Variants in RBFOX3 observed in about 807,000 individuals in gnomAD.
The protein encoded by RBFOX3 is RNA binding fox-1 homolog 3.
In RBFOX3, 17 loss-of-function variants were observed where a neutral mutation model predicts 48.7. That is an observed-to-expected ratio of 0.35 (90% CI 0.24 to 0.52). The LOEUF (loss-of-function observed/expected upper bound fraction) is 0.52. Among genes scored for constraint, RBFOX3 ranks in the 20% least tolerant of loss-of-function variants. The pLI is 0.94. For synonymous variants in RBFOX3, 212 were observed against 209.5 expected, an observed-to-expected ratio of 1.01 and a Z score of -0.10; for missense variants, 382 against 497.5, an observed-to-expected ratio of 0.77 and a Z score of 2.21.
intron 5 of RBFOX3, among the ~76,000 whole-genome samples, chr17:79,114,546 G>A (rs1194510904): frequency 5.3e-5 from 8 of 152,216 alleles, no homozygotes; most frequent in Admixed American, 3.9e-4. Context: ...TCCTATCTGC[G>A]TCCACGCAGC....
the RBFOX3 span, among the ~76,000 whole-genome samples, chr17:79,656,856 G>T: frequency 1.5e-5 from 2 of 135,560 alleles, no homozygotes; most frequent in East Asian, 2.4e-4. Flanking sequence ...AGAAAAGAAG[G>T]GAAGGAGGGA....
At chr17:79,251,087 G>C (rs1026521485) in intron 3 of RBFOX3, among the ~76,000 whole-genome samples, 5 of 152,174 alleles carry the variant, frequency 3.3e-5, no homozygotes, top group Non-Finnish European at 7.4e-5. Flanking sequence ...ACAGGTGTGA[G>C]CTGCCGCGCC....
intron 4 of RBFOX3, among the ~76,000 whole-genome samples, chr17:79,143,667 G>C (rs2042398852): frequency 6.6e-6 from 1 of 152,200 alleles, no homozygotes; most frequent in Admixed American, 6.5e-5. Context: ...GAGCTCCCTA[G>C]GGACAGGAAC....
chr17:79,299,033 T>A lies in RBFOX3; in HGVS notation c.-74+8691A>T, dbSNP rs1046340479. ...GCGCGAGTCTGTAACTGGAGAGGTT[T>A]GTTTGGATTCAGCATTGCTGAAATC... On this transcript the variant is annotated intron_variant, in intron 3 of 14. Transcript: ENST00000693108. The surrounding 1 kb of genome is among the most constrained non-coding windows in gnomAD (Gnocchi z 4.5). Among the ~76,000 whole-genome samples the A allele has an allele frequency of 1.3e-5, 2 of 152,160 alleles. No individual in the cohort carries two copies. The highest frequency in any genetic ancestry group is 2.9e-5 in the Non-Finnish European group (2 of 68,022).
In RBFOX3 at chr17:79,580,353, C is replaced by T. The variant is rs977139736; in HGVS notation, c.-320+30473G>A. Among the ~76,000 whole-genome samples the T allele has an allele frequency of 6.4e-3, 957 of 150,176 alleles. 16 individuals are homozygous for T. Among genetic ancestry groups the T allele is most frequent in the African/African-American group, 0.021 (878 of 40,852 alleles). ...TATCCAGATTTGATCTATCAGCCAACAACTCCCTCATCCCACCCCGAGCAA... is the reference window on the plus strand; with the variant it reads ...TATCCAGATTTGATCTATCAGCCAATAACTCCCTCATCCCACCCCGAGCAA... On this transcript the variant is annotated intron_variant, in intron 1 of 14. Transcript: ENST00000693108.
At chr17:79,574,227 T>C (rs2092782123) in intron 1 of RBFOX3, among the ~76,000 whole-genome samples, 1 of 152,204 alleles carries the variant, frequency 6.6e-6, no homozygotes, top group Admixed American at 6.5e-5. Flanking sequence ...CAACTCCATC[T>C]TGAATAGGGG....
At chr17:79,534,838 T>C (rs1382907633) in intron 1 of RBFOX3, among the ~76,000 whole-genome samples, 1 of 152,208 alleles carries the variant, frequency 6.6e-6, no homozygotes, top group Non-Finnish European at 1.5e-5. Flanking sequence ...CCACCTGCCA[T>C]GTGCAAAACA....
intron 3 of RBFOX3, among the ~76,000 whole-genome samples, chr17:79,250,860 C>A (rs962859704): frequency 1.8e-4 from 26 of 145,114 alleles, no homozygotes; most frequent in African/African-American, 5.6e-4. Flanking sequence ...CTGAGTTTCG[C>A]TCTGCAGTAC....
At chr17:79,607,228 G>A (rs1475652020) in intron 1 of RBFOX3, among the ~76,000 whole-genome samples, 1 of 152,112 alleles carries the variant, frequency 6.6e-6, no homozygotes, top group African/African-American at 2.4e-5. Flanking sequence ...TGAAGGGGGA[G>A]AAAGTTTCAA....
chr17:79,472,113 G>A (rs2149384482), intron 2 of RBFOX3, among the ~76,000 whole-genome samples: 1 of 152,268 alleles, frequency 6.6e-6, no homozygotes, highest in African/African-American at 2.4e-5. Context: ...GCAGGAAGGT[G>A]GGGTGGGGGT....
chr17:79,343,259 C>T (rs531147176), intron 2 of RBFOX3, among the ~76,000 whole-genome samples: 1 of 152,268 alleles, frequency 6.6e-6, no homozygotes, highest in South Asian at 2.1e-4. Flanking sequence ...GGCGAGGTAA[C>T]TCACACCTGT....
chr17:79,345,991 G>A (rs552878802), intron 2 of RBFOX3, among the ~76,000 whole-genome samples: 37 of 152,142 alleles, frequency 2.4e-4, no homozygotes, highest in Non-Finnish European at 3.4e-4. Flanking sequence ...TGTGATCTTG[G>A]CTCACTGCAA....
chr17:79,600,540 G>C lies in RBFOX3; in HGVS notation c.-320+10286C>G, dbSNP rs931193958. 3.3e-5 allele frequency: 5 copies of C among 152,186 alleles called. No homozygotes were observed. In the East Asian group the frequency reaches 7.7e-4, roughly 23 times the overall value. The allele number at this position is 152,186 out of a possible 1,614,324, so 9.4% of individuals were successfully genotyped here. A position where few individuals can be genotyped will look rare whatever the true frequency, so the allele number is the denominator to read the frequency against. On this transcript the variant is annotated intron_variant, in intron 1 of 14. Coordinates refer to ENST00000693108, the MANE Select transcript of RBFOX3 (RefSeq NM_001350451.2). ...AAACGCCCTCTAAACACATTATCCA[G>C]AATTTTCCCTTAATTCCCTACAGCA...
At chr17:79,558,951 C>T (rs1216349703) in intron 1 of RBFOX3, among the ~76,000 whole-genome samples, 1 of 152,102 alleles carries the variant, frequency 6.6e-6, no homozygotes, top group Non-Finnish European at 1.5e-5. Context: ...ACATAGCAAG[C>T]ATTTACCAGG....
At chr17:79,109,792 C>T (rs371313293) in intron 5 of RBFOX3, among the ~76,000 whole-genome samples, 10 of 151,814 alleles carry the variant, frequency 6.6e-5, no homozygotes, top group South Asian at 2.1e-4. Flanking sequence ...GAACCAGCCC[C>T]GCGCCCACCC....
intron 1 of RBFOX3, among the ~76,000 whole-genome samples, chr17:79,607,604 G>A (rs1216575446): frequency 6.6e-6 from 1 of 152,174 alleles, no homozygotes; most frequent in Non-Finnish European, 1.5e-5. Context: ...CAGGCATCAT[G>A]GGTCAGAACA....
At chr17:79,261,480 G>C (rs931337274) in intron 3 of RBFOX3, among the ~76,000 whole-genome samples, 2 of 152,250 alleles carry the variant, frequency 1.3e-5, no homozygotes, top group Non-Finnish European at 2.9e-5. Flanking sequence ...GAGGATGCAG[G>C]TGGAGGCGCT....
At position 79,479,692 on chromosome 17, in the gene RBFOX3, T is replaced by C. The variant is rs1462369679; in HGVS notation, c.-175+2762A>G. On this transcript the variant is annotated intron_variant, in intron 2 of 14. Transcript: ENST00000693108. The surrounding 1 kb of genome is among the most constrained non-coding windows in gnomAD (Gnocchi z 5.1). ...GTGGGCTGGTCTTGTACTTTCACTG[T>C]TGATGACCCCGAGGATTTACCTATT... is the stretch of plus-strand genomic sequence containing the variant. Among the ~76,000 whole-genome samples the C allele has an allele frequency of 2.0e-5, 3 of 152,198 alleles. No homozygotes were observed. Among genetic ancestry groups the C allele is most frequent in the African/African-American group, 7.2e-5 (3 of 41,456 alleles).
At chr17:79,379,566 C>A (rs991655100) in intron 2 of RBFOX3, among the ~76,000 whole-genome samples, 5 of 152,098 alleles carry the variant, frequency 3.3e-5, no homozygotes, top group Admixed American at 2.6e-4. Flanking sequence ...GAGAATTACA[C>A]CCTGGCCTTG....
Sources: gnomAD v4.1 joint callset for allele counts (sites outside exome capture counted in the v4.1 genomes callset) on GRCh38, gnomAD v4.1.1 for gene constraint, Gnocchi (gnomAD v3.1) non-coding constraint, MANE v1.5 for transcripts, NCBI Gene and HGNC (gene_info 2026-07-23, HGNC 2026-07-21) for gene names.